GRIK3: variants seen among roughly 807,000 people sequenced by gnomAD.
The protein encoded by GRIK3 is glutamate ionotropic receptor kainate type subunit 3.
Under a neutral mutation model 102.5 loss-of-function variants are expected in GRIK3, and 29 were observed. That is an observed-to-expected ratio of 0.28 (90% CI 0.21 to 0.39). GRIK3 has a LOEUF of 0.39. GRIK3 is among the 10% of genes least tolerant of loss of function. The probability of loss-of-function intolerance (pLI) is 1.00; values close to 1 mark genes in which losing one functional copy is unlikely to be tolerated. For missense variants in GRIK3, 908 were observed against 1,252.4 expected (o/e 0.73, Z 4.15); for synonymous variants, 511 against 504.9 (o/e 1.01, Z -0.16).
At chr1:36,892,387 A>G (rs2124274246) in intron 1 of GRIK3, among the ~76,000 whole-genome samples, 1 of 152,252 alleles carries the variant, frequency 6.6e-6, no homozygotes, top group South Asian at 2.1e-4. Flanking sequence ...TGTAATCCCA[A>G]CACTTCCAGA....
intron 1 of GRIK3, among the ~76,000 whole-genome samples, chr1:36,893,026 G>T (rs1211435024): frequency 6.6e-6 from 1 of 152,074 alleles, no homozygotes; most frequent in Non-Finnish European, 1.5e-5. Flanking sequence ...ATAAATTCCA[G>T]ATAAATTAAA....
chr1:36,852,961 A>G (rs569111079), intron 8 of GRIK3, among the ~76,000 whole-genome samples: 1 of 152,308 alleles, frequency 6.6e-6, no homozygotes, highest in East Asian at 1.9e-4. Context: ...GATTGGCCTC[A>G]TTAAAACATC....
intron 1 of GRIK3, among the ~76,000 whole-genome samples, chr1:36,907,464 C>T (rs916253455): frequency 4.6e-5 from 7 of 152,062 alleles, no homozygotes; most frequent in African/African-American, 1.7e-4. Context: ...TCCAGGAGGC[C>T]CATCGTTAGA....
chr1:36,998,536 C>T (rs946111242), intron 1 of GRIK3, among the ~76,000 whole-genome samples: 11 of 152,216 alleles, frequency 7.2e-5, no homozygotes, highest in African/African-American at 1.4e-4. Context: ...GTTATTGACA[C>T]GCATATGACA....
intron 7 of GRIK3, among the ~76,000 whole-genome samples, chr1:36,858,839 T>A (rs1217720958): frequency 2.0e-5 from 3 of 152,234 alleles, no homozygotes; most frequent in Admixed American, 2.0e-4. Context: ...TCTGTTGTAC[T>A]TTCAAGCCCA....
chr1:36,904,058 T>C (rs1181155268), intron 1 of GRIK3, among the ~76,000 whole-genome samples: 1 of 152,210 alleles, frequency 6.6e-6, no homozygotes, highest in Non-Finnish European at 1.5e-5. Context: ...AGGCTATGCA[T>C]GTGTGTGGGC....
At chr1:36,951,562 C>T (rs1641844374) in intron 1 of GRIK3, among the ~76,000 whole-genome samples, 1 of 152,234 alleles carries the variant, frequency 6.6e-6, no homozygotes, top group South Asian at 2.1e-4. Flanking sequence ...ATGCTGGTCG[C>T]ATGCAGATTA....
intron 1 of GRIK3, among the ~76,000 whole-genome samples, chr1:37,026,088 G>C (rs1642762601): frequency 6.6e-6 from 1 of 152,154 alleles, no homozygotes; most frequent in African/African-American, 2.4e-5. Context: ...AGGTGAGATT[G>C]TACTCCCCAT....
At chr1:36,874,315 G>A (rs946189971) in intron 3 of GRIK3, among the ~76,000 whole-genome samples, 2 of 152,212 alleles carry the variant, frequency 1.3e-5, no homozygotes, top group African/African-American at 2.4e-5. Context: ...TTCGGGGACA[G>A]ACATGTATGC....
At chr1:36,973,654 C>T (rs1011848971) in intron 1 of GRIK3, among the ~76,000 whole-genome samples, 1 of 151,196 alleles carries the variant, frequency 6.6e-6, no homozygotes, top group East Asian at 1.9e-4. Flanking sequence ...GTCTTGAACT[C>T]GTGACCTCAG....
At chr1:36,958,557 GTCTGTGCCCTGTGAC>G (rs1401707178) in intron 1 of GRIK3, among the ~76,000 whole-genome samples, 3 of 147,570 alleles carry the variant, frequency 2.0e-5, no homozygotes, top group Admixed American at 6.7e-5. Flanking sequence ...TGCCCTGTGA[GTCTGTGCCCTGTGAC>G]TCTGTGCCCT....
rs529534209 is a variant in GRIK3, at chr1:36,988,228, T to C, written c.115+45766A>G. ...ATAGCTTGAACTCAGGAGGTGGAGG[T>C]TGCAGTGAGCCGAGGTCGCACCACT... is the stretch of plus-strand genomic sequence containing the variant. On this transcript the variant is annotated intron_variant, in intron 1 of 15. Transcript: ENST00000373091. Among the ~76,000 whole-genome samples, 8 of 151,958 alleles carry C rather than the reference T, an allele frequency of 5.3e-5. No individual in the cohort carries two copies. The South Asian group carries it at 1.7e-3, about 32-fold the overall frequency.
chr1:36,874,167 A>C (rs1399073518), intron 3 of GRIK3, among the ~76,000 whole-genome samples: 1 of 152,188 alleles, frequency 6.6e-6, no homozygotes, highest in Non-Finnish European at 1.5e-5. Context: ...AGCCCTCTCC[A>C]AAAGCCTTCC....
At chr1:36,947,167 C>A (rs568002676) in intron 1 of GRIK3, among the ~76,000 whole-genome samples, 5 of 152,072 alleles carry the variant, frequency 3.3e-5, no homozygotes, top group African/African-American at 4.8e-5. Flanking sequence ...GCTCCTGGCC[C>A]ACTCCTGGGC....
At chr1:37,024,742 CAAAAA>C (rs11314211) in intron 1 of GRIK3, among the ~76,000 whole-genome samples, 2 of 71,044 alleles carry the variant, frequency 2.8e-5, no homozygotes, top group African/African-American at 5.0e-5. Flanking sequence ...GACTCCATCT[CAAAAA>C]AAAAAAAAAA....
chr1:36,970,728 C>T (rs1329095140), intron 1 of GRIK3, among the ~76,000 whole-genome samples: 1 of 152,186 alleles, frequency 6.6e-6, no homozygotes, highest in African/African-American at 2.4e-5. Flanking sequence ...ACTTGTTCCT[C>T]TTCATTGCTG....
intron 1 of GRIK3, among the ~76,000 whole-genome samples, chr1:36,906,582 A>T (rs1304511307): frequency 2.6e-5 from 4 of 152,246 alleles, no homozygotes; most frequent in Non-Finnish European, 4.4e-5. Flanking sequence ...GGCAGGGTTG[A>T]CAAACTTTGT....
chr1:36,846,675 G>T (rs1557700984), intron 9 of GRIK3, among the ~76,000 whole-genome samples: 1 of 152,194 alleles, frequency 6.6e-6, no homozygotes, highest in Non-Finnish European at 1.5e-5. Context: ...ACAGTGGCTG[G>T]GGCTGGGCCA....
rs748771491 is a variant in GRIK3, at chr1:36,872,292, C to T, written c.628G>A (p.Asp210Asn). The change falls in exon 4 of 16, where the codon GAC becomes AAC. Residue 210 changes from aspartate (D) to asparagine (N), a missense_variant. Physicochemically the swap from Asp to Asn is conservative, Grantham distance 23 (BLOSUM62 1). Around this residue, in one of 3 missense-constraint regions of GRIK3, gnomAD observed 585 missense variants for 824.9 expected, o/e 0.71. Transcript: ENST00000373091. This position sits in a 1 kb window ranked among gnomAD's most constrained non-coding sequence, Gnocchi z 5.9. Reference sequence around the variant, plus strand: ...AGCAAGGGGCGCGAGTCGTCAGAGTCGATGGGGAGCTGACGGATCTTCAGG... The same window carrying T: ...AGCAAGGGGCGCGAGTCGTCAGAGTTGATGGGGAGCTGACGGATCTTCAGG... Reference protein sequence around the residue: ...IRLKIRQLPIDSDDSRPLLKE... With the variant: ...IRLKIRQLPINSDDSRPLLKE... 2.0e-5 allele frequency: 32 copies of T among 1,612,974 alleles called. 1 individual carries two copies. The Middle Eastern group carries it at 5.0e-4, about 25-fold the overall frequency.
Sources: gnomAD v4.1 joint callset for allele counts (sites outside exome capture counted in the v4.1 genomes callset) on GRCh38, gnomAD v4.1.1 for gene constraint, gnomAD v4.1.1 regional missense constraint, Gnocchi (gnomAD v3.1) non-coding constraint, MANE v1.5 for transcripts, NCBI Gene and HGNC (gene_info 2026-07-23, HGNC 2026-07-21) for gene names.